Variants in PARD3 observed in about 807,000 individuals in gnomAD.
PARD3 encodes par-3 family cell polarity regulator.
A neutral mutation model predicts 155.4 loss-of-function variants in PARD3; 75 were observed. The ratio of observed to expected loss-of-function variants is 0.48; its 90% CI spans 0.40 to 0.58. The LOEUF (loss-of-function observed/expected upper bound fraction) is 0.58, where lower values mean the gene tolerates loss of function less well. Among genes scored for constraint, PARD3 ranks in the 20% least tolerant of loss-of-function variants. The pLI, the probability that PARD3 is intolerant of heterozygous loss-of-function variation, is 0.00. For missense variants in PARD3, 1,642 were observed against 1,721.7 expected (o/e 0.95, Z 0.82); for synonymous variants, 576 against 610.5 (o/e 0.94, Z 0.83).
At chr10:34,492,938 A>G (rs2080017859) in intron 3 of PARD3, among the ~76,000 whole-genome samples, 1 of 152,236 alleles carries the variant, frequency 6.6e-6, no homozygotes, top group Non-Finnish European at 1.5e-5. Context: ...ATGATTGGAA[A>G]ATGAGGGAAT....
chr10:34,131,328 G>A (rs555115993), intron 23 of PARD3, 135 bp downstream of exon 23: 1 of 843,540 alleles, frequency 1.2e-6, no homozygotes, highest in Non-Finnish European at 1.9e-6. Context: ...ATGAGGAAAA[G>A]GTCAATATGT....
intron 22 of PARD3, among the ~76,000 whole-genome samples, chr10:34,236,900 T>C (rs1439088352): frequency 1.3e-5 from 2 of 152,296 alleles, no homozygotes; most frequent in Admixed American, 1.3e-4. Flanking sequence ...AAGAATAATT[T>C]AGCTCTTGGA....
chr10:34,633,537 G>A (rs1469455050), intron 2 of PARD3, among the ~76,000 whole-genome samples: 2 of 152,186 alleles, frequency 1.3e-5, no homozygotes, highest in South Asian at 2.1e-4. Context: ...CCTGTTTTAT[G>A]ACTGACTAGT....
intron 1 of PARD3, among the ~76,000 whole-genome samples, chr10:34,814,069 C>T (rs1036865543): frequency 3.9e-5 from 6 of 152,268 alleles, no homozygotes; most frequent in African/African-American, 1.4e-4. Context: ...GGCCCCGCAG[C>T]CCAGCCACAT....
chr10:34,130,156 A>G (rs889459419), intron 23 of PARD3, among the ~76,000 whole-genome samples: 1 of 152,080 alleles, frequency 6.6e-6, no homozygotes, highest in Non-Finnish European at 1.5e-5. Context: ...TATCGCCTCT[A>G]CTTCCAAGAT....
intron 1 of PARD3, among the ~76,000 whole-genome samples, chr10:34,769,948 C>T (rs532816437): frequency 3.9e-5 from 6 of 152,142 alleles, no homozygotes; most frequent in South Asian, 2.1e-4. Flanking sequence ...TGTGGGGTTC[C>T]CCTTCTCTAG....
At chr10:34,790,202 G>A (rs1170399384) in intron 1 of PARD3, among the ~76,000 whole-genome samples, 1 of 152,094 alleles carries the variant, frequency 6.6e-6, no homozygotes, top group African/African-American at 2.4e-5. Context: ...TGTTCTCAAA[G>A]GACAAAATCC....
intron 2 of PARD3, among the ~76,000 whole-genome samples, chr10:34,686,722 CAA>C (rs1590647147): frequency 6.6e-6 from 1 of 150,932 alleles, no homozygotes; most frequent in African/African-American, 2.4e-5. Flanking sequence ...GCCTGGGAAA[CAA>C]GAGCAAAACT....
At chr10:34,630,945 G>A (rs1227148019) in intron 2 of PARD3, among the ~76,000 whole-genome samples, 1 of 151,786 alleles carries the variant, frequency 6.6e-6, no homozygotes, top group Admixed American at 6.6e-5. Flanking sequence ...TTCCCAAGTG[G>A]CTGGGGCTAC....
intron 1 of PARD3, among the ~76,000 whole-genome samples, chr10:34,803,619 T>C (rs528243188): frequency 7.2e-5 from 11 of 151,986 alleles, no homozygotes; most frequent in Non-Finnish European, 1.5e-4. Flanking sequence ...CTGATGAACA[T>C]GGTGAAACCC....
intron 21 of PARD3, among the ~76,000 whole-genome samples, chr10:34,283,678 A>G (rs1956256233): frequency 2.0e-5 from 3 of 152,170 alleles, no homozygotes; most frequent in Admixed American, 1.3e-4. Context: ...AAGAAAAACA[A>G]CATAATGAAT....
At chr10:34,344,663 A>G (rs1389513979) in intron 15 of PARD3, 1 of 985,292 alleles carries the variant, frequency 1.0e-6, no homozygotes, top group Non-Finnish European at 1.2e-6. Context: ...GAAGAATCCT[A>G]TGTAGGCAGC....
intron 22 of PARD3, among the ~76,000 whole-genome samples, chr10:34,157,517 GTATTTA>G (rs1409334543): frequency 6.6e-6 from 1 of 152,124 alleles, no homozygotes; most frequent in Non-Finnish European, 1.5e-5. Flanking sequence ...TCTTTTACAA[GTATTTA>G]TATTCTCTGC....
chr10:34,611,325 T>C (rs1211892610), intron 2 of PARD3, among the ~76,000 whole-genome samples: 2 of 152,222 alleles, frequency 1.3e-5, no homozygotes, highest in Non-Finnish European at 2.9e-5. Context: ...TTTGTACCTT[T>C]AGTATGACAT....
At chr10:34,606,222 C>G (rs969776077) in intron 2 of PARD3, among the ~76,000 whole-genome samples, 3 of 138,826 alleles carry the variant, frequency 2.2e-5, no homozygotes, top group Admixed American at 7.7e-5. Flanking sequence ...AGTTCTGTCC[C>G]TTTAATAGAA....
intron 1 of PARD3, among the ~76,000 whole-genome samples, chr10:34,709,739 G>C (rs1311734754): frequency 6.6e-6 from 1 of 152,154 alleles, no homozygotes; most frequent in South Asian, 2.1e-4. Context: ...AAAACAGAGA[G>C]GGAGAAGGGA....
intron 1 of PARD3, among the ~76,000 whole-genome samples, chr10:34,793,238 A>AG (rs1841877405): frequency 6.6e-6 from 1 of 152,154 alleles, no homozygotes; most frequent in Admixed American, 6.6e-5. Context: ...AGGGAAAAGG[A>AG]GGGGCAGAGT....
At chr10:34,806,961 T>C (rs555170680) in intron 1 of PARD3, among the ~76,000 whole-genome samples, 15 of 152,282 alleles carry the variant, frequency 9.9e-5, no homozygotes, top group African/African-American at 3.4e-4. Flanking sequence ...AAGCTCAAAA[T>C]TTCTGGGAGC....
At chr10:34,576,989 C>A (rs2086942130) in intron 2 of PARD3, among the ~76,000 whole-genome samples, 1 of 152,130 alleles carries the variant, frequency 6.6e-6, no homozygotes, top group Non-Finnish European at 1.5e-5. Flanking sequence ...TGATAATTCC[C>A]GTTGAGAGTG....
Sources: allele counts gnomAD v4.1 joint callset (sites outside exome capture counted in the v4.1 genomes callset), GRCh38; gene constraint gnomAD v4.1.1; transcripts MANE v1.5; gene names NCBI Gene and HGNC (gene_info 2026-07-23, HGNC 2026-07-21).